Variants in GRIK1 observed in about 807,000 individuals in gnomAD.
GRIK1 encodes the protein glutamate ionotropic receptor kainate type subunit 1.
GRIK1 carries 69 observed loss-of-function variants against 105.7 expected under a neutral mutation model. The observed-to-expected ratio is 0.65, with a 90% CI of 0.54 to 0.80. GRIK1 has a LOEUF of 0.80. GRIK1 is among the 30% of genes least tolerant of loss of function. The pLI, the probability that GRIK1 is intolerant of heterozygous loss-of-function variation, is 0.00. For missense variants in GRIK1, 1,109 were observed against 1,167.3 expected, an observed-to-expected ratio of 0.95 and a Z score of 0.73; for synonymous variants, 438 against 431.3, an observed-to-expected ratio of 1.02 and a Z score of -0.19.
chr21:29,740,700 A>G (rs779887315), intron 1 of GRIK1, among the ~76,000 whole-genome samples: 4 of 152,196 alleles, frequency 2.6e-5, no homozygotes, highest in African/African-American at 7.2e-5. Flanking sequence ...CTATTAGCCA[A>G]TTCAATTAGT....
intron 1 of GRIK1, among the ~76,000 whole-genome samples, chr21:29,779,764 A>T (rs191387334): frequency 2.6e-5 from 4 of 152,334 alleles, no homozygotes; most frequent in Admixed American, 2.6e-4. Context: ...TTACTATGTG[A>T]TAATATCGTT....
intron 1 of GRIK1, among the ~76,000 whole-genome samples, chr21:29,823,706 G>A (rs959555250): frequency 6.6e-6 from 1 of 151,890 alleles, no homozygotes; most frequent in Non-Finnish European, 1.5e-5. Flanking sequence ...ATTTTCTGAA[G>A]GTGCAAGATA....
At chr21:29,546,022 A>G (rs531152217) in intron 16 of GRIK1, among the ~76,000 whole-genome samples, 3 of 152,258 alleles carry the variant, frequency 2.0e-5, no homozygotes, top group African/African-American at 7.2e-5. Flanking sequence ...AGAAGTGTCT[A>G]GAGGGCCCAG....
chr21:29,813,977 T>G (rs1267040667), intron 1 of GRIK1, among the ~76,000 whole-genome samples: 1 of 148,508 alleles, frequency 6.7e-6, no homozygotes. Flanking sequence ...TGCAGTGGCA[T>G]GATCTTGGCT....
intron 7 of GRIK1, among the ~76,000 whole-genome samples, chr21:29,638,217 G>A (rs2062436265): frequency 6.6e-6 from 1 of 152,040 alleles, no homozygotes; most frequent in Non-Finnish European, 1.5e-5. Context: ...TGGCTGGGGA[G>A]GCCTCAGGAA....
At chr21:29,595,556 G>A (rs1291385205) in intron 9 of GRIK1, among the ~76,000 whole-genome samples, 1 of 152,054 alleles carries the variant, frequency 6.6e-6, no homozygotes, top group African/African-American at 2.4e-5. Context: ...CAAGGTTTTT[G>A]GCTACAGGGA....
intron 1 of GRIK1, among the ~76,000 whole-genome samples, chr21:29,799,494 G>A (rs1261969650): frequency 8.3e-6 from 1 of 120,274 alleles, no homozygotes; most frequent in Non-Finnish European, 2.0e-5. Context: ...GAGCCCAGGT[G>A]TTTTTGTTTG....
At chr21:29,602,978 C>A (rs2061545708) in intron 7 of GRIK1, among the ~76,000 whole-genome samples, 2 of 152,086 alleles carry the variant, frequency 1.3e-5, no homozygotes, top group Admixed American at 1.3e-4. Context: ...AAAATGTATA[C>A]AGTCATATTC....
intron 1 of GRIK1, among the ~76,000 whole-genome samples, chr21:29,711,845 AT>A (rs989602935): frequency 2.6e-5 from 4 of 152,090 alleles, no homozygotes; most frequent in African/African-American, 9.6e-5. Context: ...AGATTTTGTA[AT>A]TTTTTTCTAA....
chr21:29,567,751 A>C (rs1477024463), intron 14 of GRIK1, among the ~76,000 whole-genome samples: 1 of 152,218 alleles, frequency 6.6e-6, no homozygotes, highest in African/African-American at 2.4e-5. Context: ...ATCAGAGGTG[A>C]ATAGTTGCCT....
At chr21:29,870,446 G>A (rs1291756616) in intron 1 of GRIK1, among the ~76,000 whole-genome samples, 2 of 151,600 alleles carry the variant, frequency 1.3e-5, no homozygotes, top group African/African-American at 4.8e-5. Context: ...TTTAGAAGAT[G>A]AACAATAGAA....
chr21:29,651,906 G>C (rs901687059), intron 5 of GRIK1, among the ~76,000 whole-genome samples: 1 of 151,772 alleles, frequency 6.6e-6, no homozygotes, highest in Non-Finnish European at 1.5e-5. Flanking sequence ...TTCAATAAAA[G>C]AACATTTTTC....
intron 1 of GRIK1, among the ~76,000 whole-genome samples, chr21:29,708,142 C>T (rs1034621945): frequency 2.0e-4 from 31 of 152,150 alleles, no homozygotes; most frequent in Non-Finnish European, 8.8e-5. Context: ...GAATTGCAAC[C>T]TCCCTCAGAA....
intron 1 of GRIK1, among the ~76,000 whole-genome samples, chr21:29,891,454 C>A (rs963033114): frequency 1.3e-5 from 2 of 152,134 alleles, no homozygotes; most frequent in Non-Finnish European, 2.9e-5. Flanking sequence ...GCCTGTGTGG[C>A]GTGCATAATG....
chr21:29,881,737 T>C (rs771576482), intron 1 of GRIK1, among the ~76,000 whole-genome samples: 1 of 152,088 alleles, frequency 6.6e-6, no homozygotes, highest in Admixed American at 6.6e-5. Context: ...TTGGCTAGAG[T>C]GGGAACTCAG....
chr21:29,576,101 C>G (rs1036116768), intron 14 of GRIK1, among the ~76,000 whole-genome samples: 18 of 151,892 alleles, frequency 1.2e-4, no homozygotes, highest in Admixed American at 8.5e-4. Flanking sequence ...TGACTTGGAG[C>G]AGGTAATTTA....
chr21:29,746,560 C>A (rs1033004379), intron 1 of GRIK1, among the ~76,000 whole-genome samples: 10 of 152,026 alleles, frequency 6.6e-5, no homozygotes, highest in African/African-American at 2.2e-4. Flanking sequence ...GATATCATTC[C>A]GGCTAATTCA....
intron 1 of GRIK1, among the ~76,000 whole-genome samples, chr21:29,859,677 A>T (rs932849137): frequency 6.6e-6 from 1 of 152,196 alleles, no homozygotes; most frequent in Admixed American, 6.5e-5. Flanking sequence ...ATTTTGATTT[A>T]TCAGCACTGG....
At chr21:29,850,905 T>C in intron 1 of GRIK1, among the ~76,000 whole-genome samples, 1 of 152,208 alleles carries the variant, frequency 6.6e-6, no homozygotes, top group East Asian at 1.9e-4. Context: ...AACAGACTTT[T>C]AGAGCAAACT....
Sources: gnomAD v4.1 joint callset for allele counts (sites outside exome capture counted in the v4.1 genomes callset) on GRCh38, gnomAD v4.1.1 for gene constraint, MANE v1.5 for transcripts, NCBI Gene and HGNC (gene_info 2026-07-23, HGNC 2026-07-21) for gene names.